Variants in PCDH15 observed in about 807,000 individuals in gnomAD.
The protein encoded by PCDH15 is protocadherin-15.
PCDH15 carries 129 observed loss-of-function variants against 178.5 expected under a neutral mutation model. The observed-to-expected ratio is 0.72, with a 90% confidence interval of 0.63 to 0.84. PCDH15 has a LOEUF of 0.84. Among genes scored for constraint, PCDH15 ranks in the 40% least tolerant of loss-of-function variants. The pLI, the probability that PCDH15 is intolerant of heterozygous loss-of-function variation, is 0.00. For synonymous variants in PCDH15, 800 were observed against 732.0 expected (o/e 1.09, Z -1.50); for missense variants, 2,230 against 2,099.9 (o/e 1.06, Z -1.21).
intron 2 of PCDH15, among the ~76,000 whole-genome samples, chr10:55,152,533 C>A (rs970128869): frequency 6.6e-6 from 1 of 151,972 alleles, no homozygotes; most frequent in African/African-American, 2.4e-5. Context: ...AATGTTAGAG[C>A]CAAGGTTTAA....
chr10:55,548,044 A>T (rs566740191), intron 2 of PCDH15, among the ~76,000 whole-genome samples: 1 of 151,812 alleles, frequency 6.6e-6, no homozygotes, highest in Non-Finnish European at 1.5e-5. Flanking sequence ...TGGTCATTCT[A>T]GGGCCAGGCT....
chr10:55,281,114 C>T (rs1463661733), intron 1 of PCDH15, among the ~76,000 whole-genome samples: 1 of 152,082 alleles, frequency 6.6e-6, no homozygotes, highest in African/African-American at 2.4e-5. Flanking sequence ...ATATTATTTT[C>T]CCCCTTATGT....
At chr10:54,250,138 G>A (rs188845290) in intron 8 of PCDH15, among the ~76,000 whole-genome samples, 10 of 150,480 alleles carry the variant, frequency 6.6e-5, no homozygotes, top group Admixed American at 2.7e-4. Context: ...GAACTTCTGA[G>A]CTCAAGCAAA....
chr10:55,538,592 T>TCCTCCTTTCCTTCCTTCCTC (rs1841659850), intron 2 of PCDH15, among the ~76,000 whole-genome samples: 1 of 43,584 alleles, frequency 2.3e-5, no homozygotes, highest in Non-Finnish European at 4.4e-5. Flanking sequence ...CTTCCTTCCT[T>TCCTCCTTTCCTTCCTTCCTC]CCTTCCTTCC....
chr10:53,827,903 AAAGAT>A lies in PCDH15; in HGVS notation c.4212-360_4212-356del, dbSNP rs552064819. ...TCTCTTTCATAAGATGAGGCATATT[AAAGAT>A]AAGATAGATAATTTTTCTTTATTAT... On this transcript the variant is annotated intron_variant, in intron 31 of 37. Coordinates refer to ENST00000644397, the MANE Select transcript of PCDH15 (RefSeq NM_001384140.1). Among the ~76,000 whole-genome samples the A allele has an allele frequency of 4.7e-4, 71 of 152,320 alleles. 1 individual carries two copies. Among genetic ancestry groups the A allele is most frequent in the African/African-American group, 1.2e-3 (48 of 41,580 alleles).
chr10:53,930,457 C>CAAAAAAA (rs60673116), intron 25 of PCDH15, among the ~76,000 whole-genome samples: 4 of 50,332 alleles, frequency 7.9e-5, no homozygotes, highest in Non-Finnish European at 1.3e-4. Context: ...GACTCCCTCT[C>CAAAAAAA]AAAAAAAAAA....
intron 2 of PCDH15, among the ~76,000 whole-genome samples, chr10:55,597,691 A>G (rs1326848845): frequency 6.6e-6 from 1 of 152,124 alleles, no homozygotes; most frequent in Non-Finnish European, 1.5e-5. Context: ...AACCTCTGCT[A>G]ATTCAACTTT....
chr10:54,873,190 T>C (rs566242726), intron 3 of PCDH15, among the ~76,000 whole-genome samples: 1 of 152,222 alleles, frequency 6.6e-6, no homozygotes, highest in East Asian at 1.9e-4. Context: ...TTATATATCG[T>C]AGGTTCTCAC....
intron 2 of PCDH15, among the ~76,000 whole-genome samples, chr10:55,158,515 A>C (rs922565338): frequency 6.6e-6 from 1 of 152,056 alleles, no homozygotes; most frequent in East Asian, 1.9e-4. Context: ...AAGTGCCTCC[A>C]CCACCAGTTT....
rs1264131122 is a variant in PCDH15 at position 54,187,619 on chromosome 10, T to C, written c.1306-2351A>G. Among the ~76,000 whole-genome samples, 3 of 152,018 alleles carry C rather than the reference T, an allele frequency of 2.0e-5. No homozygotes were observed. The East Asian group carries it at 5.8e-4, about 29-fold the overall frequency. The stretch of plus-strand genomic sequence containing the variant: ...GTTTCTTGAGTGCTTTTATAATAAC[T>C]AGCTGGAGAAAGATAACATTTCCCA... On this transcript the variant is annotated intron_variant, in intron 11 of 37. Transcript: ENST00000644397.
rs527365690 is a variant in PCDH15 at position 54,570,533 on chromosome 10, G to GAA, written c.92-42657_92-42656insTT. Among the ~76,000 whole-genome samples the GAA allele has an allele frequency of 5.5e-3, 837 of 152,122 alleles. 8 individuals are homozygous for GAA. Among genetic ancestry groups the GAA allele is most frequent in the African/African-American group, 0.019 (774 of 41,504 alleles). ...GATTTTGATAAACTATTTCTTGTGG[G>GAA]ATTTTCACATTGGATTTCTATTTTT... is the stretch of plus-strand genomic sequence containing the variant. On this transcript the variant is annotated intron_variant, in intron 2 of 37. Coordinates refer to ENST00000644397, the MANE Select transcript of PCDH15 (RefSeq NM_001384140.1).
intron 1 of PCDH15, among the ~76,000 whole-genome samples, chr10:54,731,564 A>ATATATATATATATG (rs1491229343): frequency 0.021 from 910 of 43,286 alleles, 41 homozygotes; most frequent in African/African-American, 0.062. Context: ...ATATATATAT[A>ATATATATATATATG]CACACACACA....
intron 2 of PCDH15, among the ~76,000 whole-genome samples, chr10:54,642,065 C>T (rs546511939): frequency 2.7e-4 from 41 of 151,088 alleles, no homozygotes; most frequent in Non-Finnish European, 5.6e-4. Context: ...AAATATAACC[C>T]CCCAACGTGA....
rs1370439792 is a variant in PCDH15 at position 54,062,256 on chromosome 10, AAAAC to A, written c.2220+4497_2220+4500del. Reference sequence around the variant, plus strand: ...AAAAAAAAAAAAAAAAAAAAAACAAAAAACAACTAAATGAAAACTCCCTTCAGCA... The same window carrying A: ...AAAAAAAAAAAAAAAAAAAAAACAAAAACTAAATGAAAACTCCCTTCAGCA... On this transcript the variant is annotated intron_variant, in intron 18 of 37. Coordinates refer to ENST00000644397, the MANE Select transcript of PCDH15 (RefSeq NM_001384140.1). Among the ~76,000 whole-genome samples, 1,035 of 109,848 alleles carry A rather than the reference AAAAC, an allele frequency of 9.4e-3. 93 individuals carry two copies. Among genetic ancestry groups the A allele is most frequent in the African/African-American group, 0.029 (934 of 32,478 alleles). 72.1% of individuals were successfully genotyped at this position (109,848 alleles called of 152,430 possible).
chr10:55,557,596 T>G (rs1438453543), intron 2 of PCDH15, among the ~76,000 whole-genome samples: 1 of 152,102 alleles, frequency 6.6e-6, no homozygotes, highest in Non-Finnish European at 1.5e-5. Context: ...ATCTCAGGCT[T>G]TCATTCATTA....
upstream of PCDH15, among the ~76,000 whole-genome samples, chr10:54,804,395 A>G (rs1952740573): frequency 6.6e-6 from 1 of 152,204 alleles, no homozygotes; most frequent in Non-Finnish European, 1.5e-5. Context: ...TAATAACTGC[A>G]TTCAAACATG....
Position 53,995,706 on chromosome 10 carries a change from C to T in PCDH15, c.2811G>A (p.Pro937=), listed in dbSNP as rs1449039709. ...SKRIYKGMVA[P]DAVKGTPITT... is the part of the protein sequence containing the mutation. ...TGATAGGTGTACCCTTGACTGCATC[C>T]GGAGCCACCATCCCTTTGTATATTC... The change falls in exon 21 of 38, where the codon CCG becomes CCA. Residue 937 remains proline (P), a synonymous_variant. Coordinates refer to ENST00000644397, the MANE Select transcript of PCDH15 (RefSeq NM_001384140.1). 16 of 1,613,702 alleles carry T rather than the reference C, an allele frequency of 9.9e-6. No individual in the cohort carries two copies. Among genetic ancestry groups the T allele is most frequent in the African/African-American group, 5.3e-5 (4 of 74,884 alleles).
At chr10:54,525,306 T>C (rs1036911854) in intron 3 of PCDH15, among the ~76,000 whole-genome samples, 1 of 152,210 alleles carries the variant, frequency 6.6e-6, no homozygotes, top group Non-Finnish European at 1.5e-5. Flanking sequence ...GTTAGGCCTT[T>C]CTTTTCAAAG....
intron 20 of PCDH15, among the ~76,000 whole-genome samples, chr10:54,015,269 T>C (rs1250648395): frequency 1.3e-5 from 2 of 152,132 alleles, no homozygotes; most frequent in Non-Finnish European, 2.9e-5. Flanking sequence ...CAGAAACAAA[T>C]TGAAAAACAT....
Sources: gnomAD v4.1 joint callset for allele counts (sites outside exome capture counted in the v4.1 genomes callset) on GRCh38, gnomAD v4.1.1 for gene constraint, MANE v1.5 for transcripts, NCBI Gene and HGNC (gene_info 2026-07-23, HGNC 2026-07-21) for gene names.